MORN3: variants seen among roughly 807,000 people sequenced by gnomAD.
MORN3 encodes the protein MORN repeat containing 3, also known as MORN repeat-containing protein 3.
Under a neutral mutation model 34.7 loss-of-function variants are expected in MORN3, and 38 were observed. The ratio of observed to expected loss-of-function variants is 1.10; its 90% confidence interval spans 0.85 to 1.44. The LOEUF is 1.44. Ranked by LOEUF, MORN3 falls within the 40% of genes most tolerant of loss-of-function variation. The pLI is 0.00. For missense variants in MORN3, 311 were observed against 321.7 expected (o/e 0.97, Z 0.25); for synonymous variants, 109 against 115.3 (o/e 0.95, Z 0.35).
At chr12:121,662,685 G>A (rs1260392528) in intron 1 of MORN3, among the ~76,000 whole-genome samples, 1 of 151,764 alleles carries the variant, frequency 6.6e-6, no homozygotes, top group African/African-American at 2.4e-5. Context: ...ACCAGGAGGC[G>A]GAGGTTGTAG....
chr12:121,665,518 G>A (rs558970935), intron 1 of MORN3, among the ~76,000 whole-genome samples: 8 of 151,116 alleles, frequency 5.3e-5, no homozygotes, highest in Non-Finnish European at 1.2e-4. Flanking sequence ...CTGTAATCCC[G>A]GCACTTTGGC....
At chr12:121,656,767 C>G (rs1226403457) in intron 2 of MORN3, among the ~76,000 whole-genome samples, 2 of 152,084 alleles carry the variant, frequency 1.3e-5, no homozygotes, top group African/African-American at 2.4e-5. Context: ...GTGATACACC[C>G]CTGTCTGCCT....
chr12:121,650,754 A>G lies in MORN3; in HGVS notation c.*897T>C, dbSNP rs1893234407. The G allele has an allele frequency of 6.6e-6, 1 of 151,624 alleles. No homozygotes were observed. Among genetic ancestry groups the G allele is most frequent in the African/African-American group, 2.4e-5 (1 of 41,236 alleles). 9.4% of individuals were successfully genotyped at this position (151,624 alleles called of 1,614,324 possible). ...GCTGAGGTAGGAGAATCGCTTGAAC[A>G]TGGGAGGCAGAGGTTGCAGTGAGCT... On this transcript the variant is annotated 3_prime_UTR_variant, in exon 6 of 6. Coordinates refer to ENST00000355329, the MANE Select transcript of MORN3 (RefSeq NM_173855.5).
chr12:121,665,145 A>G (rs546809830), intron 1 of MORN3, among the ~76,000 whole-genome samples: 41 of 152,022 alleles, frequency 2.7e-4, no homozygotes, highest in South Asian at 1.2e-3. Context: ...GAGGCATCCA[A>G]CAGTCGAGTT....
intron 5 of MORN3, 122 bp downstream of exon 5, chr12:121,652,606 G>T: frequency 1.2e-6 from 1 of 811,646 alleles, no homozygotes; most frequent in Non-Finnish European, 2.0e-6. Context: ...TGCCCTCGAT[G>T]GTCTTGCTCC....
chr12:121,666,599 A>C (rs1237857288), intron 1 of MORN3, among the ~76,000 whole-genome samples: 2 of 152,058 alleles, frequency 1.3e-5, no homozygotes, highest in Non-Finnish European at 2.9e-5. Flanking sequence ...GTATACTTGC[A>C]GGAGGAGAGA....
At chr12:121,668,467 G>A (rs1893842690) in intron 1 of MORN3, among the ~76,000 whole-genome samples, 1 of 152,166 alleles carries the variant, frequency 6.6e-6, no homozygotes, top group Non-Finnish European at 1.5e-5. Flanking sequence ...CCTGAACTCG[G>A]GAGGTAGAGG....
intron 5 of MORN3, among the ~76,000 whole-genome samples, chr12:121,652,290 G>T (rs1235287209): frequency 6.6e-6 from 1 of 151,986 alleles, no homozygotes; most frequent in African/African-American, 2.4e-5. Context: ...CTGGAGTGCA[G>T]TGGTGCAATC....
chr12:121,669,231 G>A (rs1893871279), intron 1 of MORN3, 108 bp downstream of exon 1: 1 of 1,451,834 alleles, frequency 6.9e-7, no homozygotes, highest in Non-Finnish European at 9.4e-7. Flanking sequence ...GGGGAGCCTT[G>A]GGGACACATC....
At chr12:121,657,148 C>T (rs373356876) in intron 2 of MORN3, among the ~76,000 whole-genome samples, 2 of 152,280 alleles carry the variant, frequency 1.3e-5, no homozygotes, top group African/African-American at 4.8e-5. Context: ...TTGGGAGAAA[C>T]TTATAGTTTA....
rs145883952 is a variant in MORN3, at chr12:121,664,046, A to G, written c.146-4698T>C. Reference sequence around the variant, plus strand: ...TGATTGGGTCAGTGCAGGCCACCTGACCCAAGTTGGTCCAATGAGACTCCG... The same window carrying G: ...TGATTGGGTCAGTGCAGGCCACCTGGCCCAAGTTGGTCCAATGAGACTCCG... On this transcript the variant is annotated intron_variant, in intron 1 of 5. Coordinates refer to ENST00000355329, the MANE Select transcript of MORN3 (RefSeq NM_173855.5). 3.1e-3 allele frequency among the ~76,000 whole-genome samples: 469 copies of G among 152,194 alleles called. 3 individuals are homozygous for G. The highest frequency in any genetic ancestry group is 0.011 in the African/African-American group (449 of 41,524).
Position 121,649,852 on chromosome 12 carries a change from G to A in MORN3, c.*1799C>T, listed in dbSNP as rs1325357532. On this transcript the variant is annotated 3_prime_UTR_variant, in exon 6 of 6. Transcript: ENST00000355329. ...GCCTCCCAAGTAGTTGGGATTACAG[G>A]TGCTGAATTCTTTTTTTTTTTTTTT... 6.7e-6 allele frequency: 1 copy of A among 149,142 alleles called. No homozygotes were observed. Among genetic ancestry groups the A allele is most frequent in the Non-Finnish European group, 1.5e-5 (1 of 67,684 alleles). 9.2% of individuals were successfully genotyped at this position (149,142 alleles called of 1,614,324 possible).
chr12:121,659,102 A>C (rs1893498890), intron 2 of MORN3, 89 bp downstream of exon 2: 3 of 1,511,144 alleles, frequency 2.0e-6, no homozygotes, highest in Non-Finnish European at 8.9e-7. Flanking sequence ...CTTTTCTCCC[A>C]GGCCTCTCTC....
chr12:121,653,722 G>A (rs1436125965), intron 3 of MORN3, among the ~76,000 whole-genome samples: 1 of 152,104 alleles, frequency 6.6e-6, no homozygotes, highest in African/African-American at 2.4e-5. Context: ...TGGCCAGGCT[G>A]ATCTCAAACT....
chr12:121,657,245 C>T (rs2136871091), intron 2 of MORN3, among the ~76,000 whole-genome samples: 1 of 152,288 alleles, frequency 6.6e-6, no homozygotes, highest in African/African-American at 2.4e-5. Flanking sequence ...TTAACATTAG[C>T]TACAAGATTA....
intron 1 of MORN3, among the ~76,000 whole-genome samples, chr12:121,667,914 A>G (rs1454663251): frequency 6.6e-6 from 1 of 151,496 alleles, no homozygotes; most frequent in East Asian, 2.0e-4. Flanking sequence ...TAGTAGAGAC[A>G]GGGTTTCACT....
rs970959506 is a variant in MORN3 at position 121,658,423 on chromosome 12, G to T, written c.303+768C>A. On this transcript the variant is annotated intron_variant, in intron 2 of 5. Coordinates refer to ENST00000355329, the MANE Select transcript of MORN3 (RefSeq NM_173855.5). ...TTACTGAAAATACAAAAAATTAGCC[G>T]GGCGTGGTGGCGGGCGCCTGTAGTC... Among the ~76,000 whole-genome samples the T allele has an allele frequency of 2.0e-5, 3 of 151,894 alleles. No individual in the cohort carries two copies. In the East Asian group the frequency reaches 5.8e-4, roughly 29 times the overall value.
intron 1 of MORN3, among the ~76,000 whole-genome samples, chr12:121,660,355 C>CTTTT (rs200327265): frequency 0.053 from 6,855 of 128,648 alleles, 401 homozygotes; most frequent in East Asian, 0.15. Context: ...TTCTTTCTTT[C>CTTTT]TTTTTTTTTT....
At chr12:121,654,646 G>A (rs550721084) in intron 2 of MORN3, among the ~76,000 whole-genome samples, 5 of 152,040 alleles carry the variant, frequency 3.3e-5, no homozygotes, top group African/African-American at 1.2e-4. Context: ...CACCCAGGCT[G>A]GAGTGCAGTG....
Sources: allele counts gnomAD v4.1 joint callset (sites outside exome capture counted in the v4.1 genomes callset), GRCh38; gene constraint gnomAD v4.1.1; transcripts MANE v1.5; gene names NCBI Gene and HGNC (gene_info 2026-07-23, HGNC 2026-07-21).